The following STPG2 variants were observed in gnomAD, a reference collection of about 807,000 sequenced individuals.
The protein encoded by STPG2 is sperm tail PG-rich repeat containing 2, also known as sperm-tail PG-rich repeat-containing protein 2.
STPG2 carries 56 observed loss-of-function variants against 54.2 expected under a neutral mutation model. The observed-to-expected ratio is 1.03, with a 90% CI of 0.83 to 1.29. STPG2 has a LOEUF of 1.29. Ranked by LOEUF, STPG2 falls within the 50% of genes most tolerant of loss-of-function variation. The probability of loss-of-function intolerance (pLI) is 0.00; values close to 1 mark genes in which losing one functional copy is unlikely to be tolerated. For synonymous variants in STPG2, 200 were observed against 181.8 expected (o/e 1.10, Z -0.81); for missense variants, 596 against 544.9 (o/e 1.09, Z -0.93).
intron 8 of STPG2, among the ~76,000 whole-genome samples, chr4:97,928,719 TTTAACATCTG>T (rs1225957806): frequency 2.0e-5 from 3 of 152,150 alleles, no homozygotes; most frequent in African/African-American, 7.2e-5. Flanking sequence ...TTTGTGAATT[TTTAACATCTG>T]TTAACTCTGC....
intron 9 of STPG2, among the ~76,000 whole-genome samples, chr4:97,782,057 G>A (rs375848620): frequency 2.6e-5 from 4 of 152,060 alleles, no homozygotes; most frequent in Admixed American, 6.6e-5. Flanking sequence ...CTCCTATTCA[G>A]CATAGTGTTG....
intron 8 of STPG2, among the ~76,000 whole-genome samples, chr4:97,900,643 G>A (rs1226786283): frequency 6.6e-6 from 1 of 152,002 alleles, no homozygotes. Context: ...AGATCTGGAG[G>A]CCATTATTCT....
chr4:97,849,678 C>G (rs1729088148), intron 8 of STPG2, among the ~76,000 whole-genome samples: 1 of 152,098 alleles, frequency 6.6e-6, no homozygotes, highest in African/African-American at 2.4e-5. Context: ...AAATGCTCAT[C>G]ATCACTGGCC....
At chr4:97,718,831 A>G in intron 9 of STPG2, among the ~76,000 whole-genome samples, 1 of 151,980 alleles carries the variant, frequency 6.6e-6, no homozygotes, top group Non-Finnish European at 1.5e-5. Flanking sequence ...ATGTCCTACT[A>G]GAATAAGAGA....
chr4:97,991,613 G>A (rs1403125503), intron 5 of STPG2, among the ~76,000 whole-genome samples: 1 of 152,064 alleles, frequency 6.6e-6, no homozygotes, highest in South Asian at 2.1e-4. Context: ...CCTCTGGGTA[G>A]ATACCCAGTA....
At chr4:97,803,787 C>A (rs190130408) in intron 9 of STPG2, among the ~76,000 whole-genome samples, 3 of 152,134 alleles carry the variant, frequency 2.0e-5, no homozygotes, top group African/African-American at 7.2e-5. Flanking sequence ...ATGATCTGCC[C>A]GCCTAGGCCT....
chr4:97,736,836 T>G (rs1006886495), intron 9 of STPG2, among the ~76,000 whole-genome samples: 1 of 152,184 alleles, frequency 6.6e-6, no homozygotes, highest in Non-Finnish European at 1.5e-5. Context: ...TGTCCCTGTC[T>G]GACAGCTTTG....
At chr4:97,874,209 CTT>C (rs1025935348) in intron 8 of STPG2, among the ~76,000 whole-genome samples, 10 of 151,638 alleles carry the variant, frequency 6.6e-5, no homozygotes, top group African/African-American at 2.4e-4. Context: ...CCACTGGAAA[CTT>C]AGGGAATCCA....
intron 9 of STPG2, among the ~76,000 whole-genome samples, chr4:97,724,943 C>T (rs1724569139): frequency 6.6e-6 from 1 of 151,996 alleles, no homozygotes; most frequent in South Asian, 2.1e-4. Context: ...GAGTACAGTA[C>T]AGAAATATGA....
intron 10 of STPG2, among the ~76,000 whole-genome samples, chr4:97,576,641 A>G (rs573961116): frequency 8.3e-4 from 126 of 152,118 alleles, no homozygotes; most frequent in Non-Finnish European, 1.5e-3. Context: ...ACTATAAAAA[A>G]TCCTAGAAGA....
intron 8 of STPG2, among the ~76,000 whole-genome samples, chr4:97,846,486 G>T (rs1015176320): frequency 2.6e-5 from 4 of 151,814 alleles, no homozygotes; most frequent in African/African-American, 9.7e-5. Flanking sequence ...TTAGCCAGGC[G>T]TGGTGGCATG....
rs866150257 is a variant in STPG2 at position 97,487,072 on chromosome 4, C to A, written c.462+225627G>T. Among the ~76,000 whole-genome samples, 2 of 150,976 alleles carry A rather than the reference C, an allele frequency of 1.3e-5. 1 individual carries two copies. The highest frequency in any genetic ancestry group is 6.4e-3 in the Middle Eastern group (2 of 314). On this transcript the variant is annotated intron_variant, in intron 4 of 4. Coordinates refer to the STPG2 transcript ENST00000522676. ...AGGATGCAAAGTCATAAGAATGATA[C>A]AATGGACTTTGGGGACTTGGGAGGA...
chr4:97,585,828 A>C (rs1052461681), intron 10 of STPG2, among the ~76,000 whole-genome samples: 2 of 152,026 alleles, frequency 1.3e-5, no homozygotes, highest in Admixed American at 6.6e-5. Context: ...CCTCAAAAAC[A>C]GATCAGGTAC....
At chr4:97,522,504 C>T (rs1731203777) in intron 4 of STPG2, among the ~76,000 whole-genome samples, 1 of 151,762 alleles carries the variant, frequency 6.6e-6, no homozygotes, top group South Asian at 2.1e-4. Flanking sequence ...TTATTTTTTT[C>T]ACTATGCAAG....
rs142138429 is a variant in STPG2, at chr4:97,853,050, C to A, written c.1045-12118G>T. 6.7e-3 allele frequency among the ~76,000 whole-genome samples: 912 copies of A among 136,344 alleles called. 8 individuals carry two copies. The highest frequency in any genetic ancestry group is 0.024 in the African/African-American group (865 of 35,780). The allele number at this position is 136,344 out of a possible 152,430, so 89.4% of individuals were successfully genotyped here. On this transcript the variant is annotated intron_variant, in intron 8 of 10. Coordinates refer to ENST00000295268, the MANE Select transcript of STPG2 (RefSeq NM_174952.3). ...AGAGTGCAGTGGAGCGATCTCGGCT[C>A]ACTGCAAGCTCTGCCTCCCGGGTTC... is the stretch of plus-strand genomic sequence containing the variant.
intron 9 of STPG2, among the ~76,000 whole-genome samples, chr4:97,746,905 CCTTT>C (rs1362559473): frequency 6.6e-6 from 1 of 150,942 alleles, no homozygotes; most frequent in Non-Finnish European, 1.5e-5. Flanking sequence ...TAGAACAGTG[CCTTT>C]CTAATAGTAG....
chr4:97,514,853 G>A (rs1307192486), intron 4 of STPG2, among the ~76,000 whole-genome samples: 4 of 151,642 alleles, frequency 2.6e-5, no homozygotes, highest in Non-Finnish European at 5.9e-5. Flanking sequence ...ACATTACCTC[G>A]CAAAGTCCTG....
chr4:97,940,792 C>A (rs372338927), intron 8 of STPG2, among the ~76,000 whole-genome samples: 2 of 152,092 alleles, frequency 1.3e-5, no homozygotes, highest in Non-Finnish European at 2.9e-5. Context: ...TGTGGCCATA[C>A]ACAAGTAACA....
chr4:97,947,924 G>A (rs537075930), intron 7 of STPG2, among the ~76,000 whole-genome samples: 11 of 152,178 alleles, frequency 7.2e-5, no homozygotes, highest in African/African-American at 2.6e-4. Context: ...TTAACAGAAT[G>A]AGTTAGGGAG....
Sources: allele counts gnomAD v4.1 joint callset (sites outside exome capture counted in the v4.1 genomes callset), GRCh38; gene constraint gnomAD v4.1.1; transcripts MANE v1.5; gene names NCBI Gene and HGNC (gene_info 2026-07-23, HGNC 2026-07-21).